LYPD6: variants seen among roughly 807,000 people sequenced by gnomAD.
The protein encoded by LYPD6 is LY6/PLAUR domain containing 6.
Under a neutral mutation model 22.7 loss-of-function variants are expected in LYPD6, and 15 were observed. That is an observed-to-expected ratio of 0.66 (90% CI 0.44 to 1.02). The LOEUF (loss-of-function observed/expected upper bound fraction) is 1.02, where lower values mean the gene tolerates loss of function less well. Ranked by LOEUF, LYPD6 falls within the 50% of genes least tolerant of loss-of-function variation. The pLI is 0.00. For synonymous variants in LYPD6, 72 were observed against 77.5 expected (o/e 0.93, Z 0.37); for missense variants, 189 against 208.4 (o/e 0.91, Z 0.57).
chr2:149,463,071 C>T (rs189791744), intron 3 of LYPD6, among the ~76,000 whole-genome samples: 14 of 151,966 alleles, frequency 9.2e-5, no homozygotes, highest in East Asian at 3.9e-4. Context: ...CTTTTTTACC[C>T]GGCACAAGAC....
intron 1 of LYPD6, among the ~76,000 whole-genome samples, chr2:149,370,036 AGT>A (rs1681772190): frequency 6.6e-6 from 1 of 152,120 alleles, no homozygotes; most frequent in African/African-American, 2.4e-5. Context: ...CTGGCAGGAA[AGT>A]GGGGTGCAGA....
chr2:149,407,058 G>T (rs986912626), intron 1 of LYPD6, among the ~76,000 whole-genome samples: 3 of 152,004 alleles, frequency 2.0e-5, no homozygotes, highest in Non-Finnish European at 4.4e-5. Flanking sequence ...TTGAATATTG[G>T]CCCCCACTCT....
chr2:149,337,217 C>T (rs952260321), intron 1 of LYPD6, among the ~76,000 whole-genome samples: 14 of 152,114 alleles, frequency 9.2e-5, no homozygotes, highest in African/African-American at 2.4e-4. Flanking sequence ...CCAGTAAATA[C>T]GTTGGAATGT....
At chr2:149,384,526 A>C (rs1172845823) in intron 1 of LYPD6, among the ~76,000 whole-genome samples, 2 of 152,090 alleles carry the variant, frequency 1.3e-5, no homozygotes, top group Non-Finnish European at 2.9e-5. Flanking sequence ...AGTCATGGGC[A>C]CTGGTTGGGG....
chr2:149,465,868 T>C (rs1302492124), intron 3 of LYPD6, among the ~76,000 whole-genome samples: 3 of 152,222 alleles, frequency 2.0e-5, no homozygotes, highest in Non-Finnish European at 4.4e-5. Context: ...TAAAAGACTT[T>C]TGTTTCACAA....
chr2:149,344,956 G>A (rs1005437002), intron 1 of LYPD6, among the ~76,000 whole-genome samples: 14 of 152,164 alleles, frequency 9.2e-5, no homozygotes, highest in African/African-American at 3.4e-4. Context: ...GCTGAGGCAG[G>A]AGTATGGATT....
chr2:149,485,013 C>T, the LYPD6 span, among the ~76,000 whole-genome samples: 14 of 152,130 alleles, frequency 9.2e-5, no homozygotes, highest in African/African-American at 3.4e-4. Flanking sequence ...TATCTGATAT[C>T]CAGCCACAGT....
At chr2:149,366,407 A>G (rs1370007561) in intron 1 of LYPD6, among the ~76,000 whole-genome samples, 1 of 152,222 alleles carries the variant, frequency 6.6e-6, no homozygotes, top group Non-Finnish European at 1.5e-5. Context: ...CAACTCTGAC[A>G]TCCCTGACCC....
At chr2:149,440,533 A>G (rs1199372912) in intron 2 of LYPD6, 1 of 152,122 alleles carries the variant, frequency 6.6e-6, no homozygotes, top group Non-Finnish European at 1.5e-5. Context: ...GTTGTTCCTA[A>G]GTGAGATTAT....
intron 1 of LYPD6, among the ~76,000 whole-genome samples, chr2:149,373,109 C>T (rs1299954856): frequency 6.6e-6 from 1 of 152,080 alleles, no homozygotes; most frequent in African/African-American, 2.4e-5. Context: ...CAAGAGAGAG[C>T]AGGCCCTTGA....
intron 1 of LYPD6, among the ~76,000 whole-genome samples, chr2:149,354,169 C>T (rs1385603394): frequency 6.6e-6 from 1 of 152,110 alleles, no homozygotes; most frequent in African/African-American, 2.4e-5. Context: ...TAGAGGCTGC[C>T]CCTGTTAGTT....
At chr2:149,426,906 T>A (rs1025949864) in intron 1 of LYPD6, among the ~76,000 whole-genome samples, 1 of 152,156 alleles carries the variant, frequency 6.6e-6, no homozygotes, top group African/African-American at 2.4e-5. Flanking sequence ...TCTAAAATGA[T>A]GACAGAGTGG....
At chr2:149,382,918 G>A (rs921968866) in intron 1 of LYPD6, among the ~76,000 whole-genome samples, 2 of 152,010 alleles carry the variant, frequency 1.3e-5, no homozygotes, top group African/African-American at 4.8e-5. Context: ...AATATATCTA[G>A]AATCTTTGAT....
At chr2:149,361,599 A>G (rs1052869417) in intron 1 of LYPD6, among the ~76,000 whole-genome samples, 8 of 152,168 alleles carry the variant, frequency 5.3e-5, no homozygotes, top group Non-Finnish European at 1.2e-4. Context: ...CTCTAACCAT[A>G]CTGAGTGCTG....
At chr2:149,382,851 A>G (rs1472800964) in intron 1 of LYPD6, among the ~76,000 whole-genome samples, 1 of 152,104 alleles carries the variant, frequency 6.6e-6, no homozygotes, top group Non-Finnish European at 1.5e-5. Context: ...AGAATTCTTT[A>G]AGATAGATTA....
chr2:149,481,197 G>C, the LYPD6 span, among the ~76,000 whole-genome samples: 3 of 152,210 alleles, frequency 2.0e-5, no homozygotes, highest in African/African-American at 4.8e-5. Flanking sequence ...GAGGAAGAAA[G>C]AGTAAGGGGC....
At chr2:149,439,399 T>C (rs145867610) in intron 2 of LYPD6, among the ~76,000 whole-genome samples, 1 of 152,310 alleles carries the variant, frequency 6.6e-6, no homozygotes, top group East Asian at 1.9e-4. Context: ...TGCTGTTTTC[T>C]CCAAGCAGGC....
chr2:149,435,237 T>G (rs1230403996), intron 1 of LYPD6, among the ~76,000 whole-genome samples: 2 of 152,256 alleles, frequency 1.3e-5, no homozygotes, highest in Non-Finnish European at 2.9e-5. Flanking sequence ...GAGAAATCTC[T>G]GTTGTATAAG....
downstream of LYPD6, among the ~76,000 whole-genome samples, chr2:149,477,825 G>T (rs1004475409): frequency 6.6e-6 from 1 of 152,124 alleles, no homozygotes. Flanking sequence ...CTTGGAAAAT[G>T]AGAAGGTGTC....
Sources: allele counts gnomAD v4.1 joint callset (sites outside exome capture counted in the v4.1 genomes callset), GRCh38; gene constraint gnomAD v4.1.1; transcripts MANE v1.5; gene names NCBI Gene and HGNC (gene_info 2026-07-23, HGNC 2026-07-21).